The following HPSE2 variants were observed in gnomAD, a reference collection of about 807,000 sequenced individuals.
The protein encoded by HPSE2 is inactive heparanase-2.
Under a neutral mutation model 60.5 loss-of-function variants are expected in HPSE2, and 38 were observed. The ratio of observed to expected loss-of-function variants is 0.63; its 90% CI spans 0.48 to 0.82. The LOEUF (loss-of-function observed/expected upper bound fraction) is 0.82. Among genes scored for constraint, HPSE2 ranks in the 40% least tolerant of loss-of-function variants. The probability of loss-of-function intolerance (pLI) is 0.00; values close to 1 mark genes in which losing one functional copy is unlikely to be tolerated. For missense variants in HPSE2, 713 were observed against 740.4 expected (o/e 0.96, Z 0.43); for synonymous variants, 295 against 293.2 (o/e 1.01, Z -0.06).
intron 6 of HPSE2, among the ~76,000 whole-genome samples, chr10:98,667,315 C>T (rs1378534342): frequency 2.0e-5 from 3 of 152,110 alleles, no homozygotes; most frequent in South Asian, 4.1e-4. Flanking sequence ...AGCCCTCACA[C>T]AGATGAATTC....
intron 3 of HPSE2, among the ~76,000 whole-genome samples, chr10:99,120,477 ATT>A (rs34044256): frequency 4.1e-5 from 6 of 147,716 alleles, no homozygotes; most frequent in Admixed American, 6.7e-5. Context: ...AGCCATTCTA[ATT>A]TTTTTTTTTT....
chr10:98,459,522 G>T lies in HPSE2; in HGVS notation c.*52C>A. The T allele has an allele frequency of 6.3e-7, 1 of 1,579,378 alleles. No individual in the cohort carries two copies. The highest frequency in any genetic ancestry group is 8.7e-7 in the Non-Finnish European group (1 of 1,148,800). ...AAACAGAGGATACTACTGGAGTGGA[G>T]GAGTGGAAGCAGCCCAGCAGGCCCA... On this transcript the variant is annotated 3_prime_UTR_variant, in exon 12 of 12. Transcript: ENST00000370552.
chr10:98,645,899 C>A (rs980162887), intron 6 of HPSE2, among the ~76,000 whole-genome samples: 1 of 152,040 alleles, frequency 6.6e-6, no homozygotes, highest in Non-Finnish European at 1.5e-5. Context: ...GGCGTGAACC[C>A]GGGAGGCGGA....
intron 3 of HPSE2, among the ~76,000 whole-genome samples, chr10:99,069,773 A>G (rs1842728255): frequency 6.6e-6 from 1 of 151,864 alleles, no homozygotes; most frequent in Admixed American, 6.6e-5. Context: ...TAATGCTCAC[A>G]TTGTTCGTGT....
At chr10:98,691,808 A>G (rs550235890) in intron 6 of HPSE2, among the ~76,000 whole-genome samples, 1 of 152,356 alleles carries the variant, frequency 6.6e-6, no homozygotes, top group South Asian at 2.1e-4. Context: ...AAAGTAAAAT[A>G]GAGATAAAAA....
Position 99,232,517 on chromosome 10 carries a change from G to A in HPSE2, c.291-12C>T, listed in dbSNP as rs1410008929. 1 of 1,550,992 alleles carries A rather than the reference G, an allele frequency of 6.4e-7. No individual in the cohort carries two copies. The highest frequency in any genetic ancestry group is 2.4e-5 in the East Asian group (1 of 41,032). The stretch of plus-strand genomic sequence containing the variant: ...CCAAGCGCTTGGAGCTGCAGAGGAA[G>A]AGAATAAGAGAGGAAAGGTTCCCAG... On this transcript the variant is annotated splice_polypyrimidine_tract_variant and intron_variant, in intron 1 of 11. Transcript: ENST00000370552.
At chr10:98,850,758 A>G (rs921444900) in intron 3 of HPSE2, among the ~76,000 whole-genome samples, 3 of 136,514 alleles carry the variant, frequency 2.2e-5, no homozygotes, top group African/African-American at 8.2e-5. Context: ...AAAAAAAAAA[A>G]GGAACTATTA....
intron 7 of HPSE2, among the ~76,000 whole-genome samples, chr10:98,627,142 G>T (rs1946239378): frequency 6.6e-6 from 1 of 152,144 alleles, no homozygotes; most frequent in African/African-American, 2.4e-5. Flanking sequence ...CCAGAAAACG[G>T]TTGGATTTAT....
chr10:98,547,132 A>G (rs1472769916), intron 9 of HPSE2, among the ~76,000 whole-genome samples: 13 of 110,612 alleles, frequency 1.2e-4, no homozygotes, highest in African/African-American at 4.0e-4. Context: ...TTAGAATGGC[A>G]ATCATTAAAA....
intron 4 of HPSE2, among the ~76,000 whole-genome samples, chr10:98,723,044 G>A (rs535458342): frequency 2.0e-4 from 30 of 152,282 alleles, no homozygotes; most frequent in Admixed American, 1.6e-3. Context: ...TCTTGTGCCA[G>A]TTTTCAAAGG....
intron 3 of HPSE2, among the ~76,000 whole-genome samples, chr10:98,893,242 T>G (rs1953389054): frequency 6.6e-6 from 1 of 151,980 alleles, no homozygotes. Context: ...TAATTTTGTA[T>G]TTTTAGTAGA....
intron 9 of HPSE2, among the ~76,000 whole-genome samples, chr10:98,568,639 T>C (rs1944411947): frequency 6.6e-6 from 1 of 152,204 alleles, no homozygotes; most frequent in Non-Finnish European, 1.5e-5. Flanking sequence ...TCTCTCTAGG[T>C]CCAACAACTC....
At chr10:98,615,220 G>A (rs776758556) in intron 8 of HPSE2, among the ~76,000 whole-genome samples, 7 of 152,124 alleles carry the variant, frequency 4.6e-5, no homozygotes, top group Non-Finnish European at 1.0e-4. Context: ...CTCTTCATTT[G>A]ATAGAAAAAG....
intron 1 of HPSE2, among the ~76,000 whole-genome samples, chr10:99,233,292 T>G (rs1849728752): frequency 6.6e-6 from 1 of 151,946 alleles, no homozygotes; most frequent in African/African-American, 2.4e-5. Flanking sequence ...AAAGGTAACA[T>G]CCTCCTCCCC....
intron 3 of HPSE2, among the ~76,000 whole-genome samples, chr10:99,113,508 C>G (rs145582325): frequency 6.6e-6 from 1 of 151,936 alleles, no homozygotes; most frequent in African/African-American, 2.4e-5. Flanking sequence ...GCACCTACTG[C>G]GGTAATATAT....
intron 3 of HPSE2, among the ~76,000 whole-genome samples, chr10:99,050,735 T>C (rs555376932): frequency 6.6e-6 from 1 of 152,104 alleles, no homozygotes; most frequent in African/African-American, 2.4e-5. Flanking sequence ...TGGAGGTCAT[T>C]AGTATAAATG....
rs200572166 is a variant in HPSE2 at position 98,713,698 on chromosome 10, A to G, written c.956+7959T>C. Among the ~76,000 whole-genome samples, 3 of 151,870 alleles carry G rather than the reference A, an allele frequency of 2.0e-5. No homozygotes were observed. The East Asian group carries it at 5.8e-4, about 29-fold the overall frequency. ...GTGGATCCCAGCATTTCTCAAGCTT[A>G]CTTGACCATGGAATGTTTTATTTTT... is the stretch of plus-strand genomic sequence containing the variant. On this transcript the variant is annotated intron_variant, in intron 5 of 11. Coordinates refer to ENST00000370552, the MANE Select transcript of HPSE2 (RefSeq NM_021828.5).
At chr10:98,991,834 C>T (rs759696889) in intron 3 of HPSE2, among the ~76,000 whole-genome samples, 1 of 152,060 alleles carries the variant, frequency 6.6e-6, no homozygotes, top group Non-Finnish European at 1.5e-5. Context: ...TAAAGTAAAC[C>T]CAGTTAGCAA....
chr10:98,675,569 CACACACACAA>C (rs1421815580), intron 6 of HPSE2, among the ~76,000 whole-genome samples: 1 of 151,588 alleles, frequency 6.6e-6, no homozygotes, highest in Non-Finnish European at 1.5e-5. Flanking sequence ...CACACACACA[CACACACACAA>C]TAACCAGCCA....
Sources: gnomAD v4.1 joint callset for allele counts (sites outside exome capture counted in the v4.1 genomes callset) on GRCh38, gnomAD v4.1.1 for gene constraint, MANE v1.5 for transcripts, NCBI Gene and HGNC (gene_info 2026-07-23, HGNC 2026-07-21) for gene names.